Variants in ADCY2 observed in about 807,000 individuals in gnomAD.
The protein encoded by ADCY2 is adenylate cyclase type 2.
A neutral mutation model predicts 125.2 loss-of-function variants in ADCY2; 31 were observed. The observed-to-expected ratio is 0.25, with a 90% CI of 0.19 to 0.33. The LOEUF is 0.33. Ranked by LOEUF, ADCY2 falls within the 10% of genes least tolerant of loss-of-function variation. The probability of loss-of-function intolerance (pLI) is 1.00; values close to 1 mark genes in which losing one functional copy is unlikely to be tolerated. For synonymous variants in ADCY2, 512 were observed against 548.4 expected, an observed-to-expected ratio of 0.93 and a Z score of 0.93; for missense variants, 904 against 1,418.2, an observed-to-expected ratio of 0.64 and a Z score of 5.82.
intron 9 of ADCY2, chr5:7,708,059 T>A (rs1444469602): frequency 2.1e-6 from 1 of 487,086 alleles, no homozygotes; most frequent in African/African-American, 2.0e-5. Context: ...TCTGCAGGGG[T>A]GTTGATGCAG....
intron 3 of ADCY2, among the ~76,000 whole-genome samples, chr5:7,528,178 T>C (rs1294111336): frequency 6.6e-6 from 1 of 152,216 alleles, no homozygotes; most frequent in African/African-American, 2.4e-5. Context: ...CTAAGGTGAC[T>C]AAATCCTAAA....
At chr5:7,572,997 G>A (rs924402700) in intron 3 of ADCY2, among the ~76,000 whole-genome samples, 7 of 152,026 alleles carry the variant, frequency 4.6e-5, no homozygotes, top group Non-Finnish European at 5.9e-5. Flanking sequence ...GATATAACTG[G>A]CATCTTCATT....
At chr5:7,733,123 T>C (rs1339554462) in intron 14 of ADCY2, among the ~76,000 whole-genome samples, 2 of 152,192 alleles carry the variant, frequency 1.3e-5, no homozygotes, top group African/African-American at 4.8e-5. Context: ...AGGATGAATT[T>C]TTTTCTAGCA....
intron 2 of ADCY2, among the ~76,000 whole-genome samples, chr5:7,443,998 CTATA>C (rs751748991): frequency 2.6e-5 from 4 of 151,766 alleles, no homozygotes; most frequent in Admixed American, 1.3e-4. Flanking sequence ...ATATGGCTAT[CTATA>C]TATAATCTCA....
chr5:7,524,760 G>C (rs974937966), intron 3 of ADCY2, among the ~76,000 whole-genome samples: 1 of 152,198 alleles, frequency 6.6e-6, no homozygotes, highest in African/African-American at 2.4e-5. Flanking sequence ...AATCAGGGCT[G>C]TGTTGCTTCT....
intron 3 of ADCY2, among the ~76,000 whole-genome samples, chr5:7,562,445 T>C (rs1278297368): frequency 2.0e-5 from 3 of 152,178 alleles, no homozygotes; most frequent in Non-Finnish European, 4.4e-5. Flanking sequence ...ATGATCTTTG[T>C]AGAATTTTAT....
At chr5:7,791,383 A>C (rs1430944203) in intron 20 of ADCY2, among the ~76,000 whole-genome samples, 2 of 152,174 alleles carry the variant, frequency 1.3e-5, no homozygotes, top group Non-Finnish European at 2.9e-5. Flanking sequence ...ACCAGAACAC[A>C]AAGCAACCTG....
intron 20 of ADCY2, among the ~76,000 whole-genome samples, chr5:7,793,136 T>A (rs960052534): frequency 2.0e-5 from 3 of 152,012 alleles, no homozygotes; most frequent in Non-Finnish European, 4.4e-5. Context: ...TCCTAAGGAG[T>A]GCTGCTGTTG....
intron 2 of ADCY2, among the ~76,000 whole-genome samples, chr5:7,493,853 C>T (rs963700198): frequency 6.6e-5 from 10 of 152,076 alleles, no homozygotes; most frequent in South Asian, 2.1e-4. Flanking sequence ...TAGGGGAAGG[C>T]AGGTTGAGGC....
chr5:7,598,987 G>A (rs935617708), intron 3 of ADCY2, among the ~76,000 whole-genome samples: 1 of 152,224 alleles, frequency 6.6e-6, no homozygotes, highest in Admixed American at 6.5e-5. Context: ...CCACAGCATT[G>A]CCCCACATGT....
intron 18 of ADCY2, among the ~76,000 whole-genome samples, chr5:7,775,654 G>A (rs537212551): frequency 5.1e-4 from 77 of 152,298 alleles, no homozygotes; most frequent in Non-Finnish European, 6.8e-4. Context: ...GCCTCCCAAA[G>A]TGCTGGGATT....
At chr5:7,439,895 A>G (rs916609864) in intron 2 of ADCY2, among the ~76,000 whole-genome samples, 6 of 107,668 alleles carry the variant, frequency 5.6e-5, no homozygotes, top group African/African-American at 2.0e-4. Flanking sequence ...GGAGTTTACC[A>G]CTCTACAGGT....
chr5:7,546,378 A>T (rs1735147803), intron 3 of ADCY2, among the ~76,000 whole-genome samples: 1 of 152,196 alleles, frequency 6.6e-6, no homozygotes, highest in Non-Finnish European at 1.5e-5. Context: ...AAGGTGTTTG[A>T]CACGTTCTGT....
At chr5:7,743,874 C>T (rs2126434091) in intron 15 of ADCY2, 122 bp downstream of exon 15, 3 of 882,416 alleles carry the variant, frequency 3.4e-6, no homozygotes, top group East Asian at 5.0e-5. Context: ...CTCCAGATCC[C>T]AGTTAAGGAA....
At chr5:7,614,387 T>C (rs551455576) in intron 3 of ADCY2, among the ~76,000 whole-genome samples, 4 of 152,182 alleles carry the variant, frequency 2.6e-5, no homozygotes, top group African/African-American at 9.7e-5. Context: ...CCTTTCTGTC[T>C]GTATAAAATT....
chr5:7,760,863 C>T (rs1014427404), intron 16 of ADCY2, among the ~76,000 whole-genome samples: 2 of 152,182 alleles, frequency 1.3e-5, no homozygotes, highest in Non-Finnish European at 1.5e-5. Context: ...ATTCATCCCA[C>T]ATGACTGCAG....
intron 4 of ADCY2, among the ~76,000 whole-genome samples, chr5:7,684,491 G>C (rs1181995936): frequency 6.6e-6 from 1 of 152,214 alleles, no homozygotes. Flanking sequence ...CCAATTTACT[G>C]TCATCAGTGA....
In ADCY2 at chr5:7,728,204, G is replaced by A. The variant is rs567459969; in HGVS notation, c.1871+943G>A. 5.3e-5 allele frequency among the ~76,000 whole-genome samples: 8 copies of A among 152,212 alleles called. No individual in the cohort carries two copies. The East Asian group carries it at 5.8e-4, about 11-fold the overall frequency. On this transcript the variant is annotated intron_variant, in intron 14 of 24. Coordinates refer to ENST00000338316, the MANE Select transcript of ADCY2 (RefSeq NM_020546.3). ...ACTCAAACTGCTTAGATTGAGTAGC[G>A]TTTTGTCTCATGAACGTGCTGAGCA... is the stretch of plus-strand genomic sequence containing the variant.
At chr5:7,653,080 C>T (rs1739155083) in intron 4 of ADCY2, among the ~76,000 whole-genome samples, 1 of 152,202 alleles carries the variant, frequency 6.6e-6, no homozygotes, top group South Asian at 2.1e-4. Context: ...TCTGTTAGCC[C>T]TGTGGGTGTA....
Sources: allele counts gnomAD v4.1 joint callset (sites outside exome capture counted in the v4.1 genomes callset), GRCh38; gene constraint gnomAD v4.1.1; transcripts MANE v1.5; gene names NCBI Gene and HGNC (gene_info 2026-07-23, HGNC 2026-07-21).